Variants in RNF144A observed in about 807,000 individuals in gnomAD.
RNF144A encodes ring finger protein 144A, also known as E3 ubiquitin-protein ligase RNF144A.
RNF144A carries 11 observed loss-of-function variants against 38.7 expected under a neutral mutation model. The ratio of observed to expected loss-of-function variants is 0.28; its 90% CI spans 0.18 to 0.47. RNF144A has a LOEUF of 0.47. Among genes scored for constraint, RNF144A ranks in the 20% least tolerant of loss-of-function variants. The pLI is 0.99. For synonymous variants in RNF144A, 149 were observed against 143.9 expected (o/e 1.04, Z -0.25); for missense variants, 316 against 377.2 (o/e 0.84, Z 1.34).
chr2:7,065,885 G>A (rs1422370340), intron 6 of RNF144A, among the ~76,000 whole-genome samples: 2 of 152,162 alleles, frequency 1.3e-5, no homozygotes, highest in African/African-American at 2.4e-5. Context: ...TCACACCAGC[G>A]GACTGGGTAA....
Position 6,970,384 on chromosome 2 carries a change from C to G in RNF144A, c.-11-26532C>G, listed in dbSNP as rs144175999. Among the ~76,000 whole-genome samples, 1,233 of 152,290 alleles carry G rather than the reference C, an allele frequency of 8.1e-3. 28 individuals carry two copies. The highest frequency in any genetic ancestry group is 0.028 in the African/African-American group (1,172 of 41,552). On this transcript the variant is annotated intron_variant, in intron 2 of 8. Transcript: ENST00000320892. ...CCATCCACGTACAATGTGAGTTGGT[C>G]CTCCTTGCCTTTCACCATGATTGCG... is the stretch of plus-strand genomic sequence containing the variant.
intron 1 of RNF144A, among the ~76,000 whole-genome samples, chr2:6,934,867 T>G (rs1387210657): frequency 1.3e-5 from 2 of 152,222 alleles, no homozygotes; most frequent in Non-Finnish European, 2.9e-5. Context: ...TCTTCTTCTG[T>G]AAGACGCAGC....
At chr2:7,019,464 G>T (rs555272792) in intron 5 of RNF144A, among the ~76,000 whole-genome samples, 2 of 152,330 alleles carry the variant, frequency 1.3e-5, no homozygotes, top group South Asian at 4.1e-4. Flanking sequence ...GCAAGGACTT[G>T]TCATCGCCTT....
rs2103467272 is a variant in RNF144A at position 7,043,486 on chromosome 2, G to A, written c.*3726G>A. 3 of 985,706 alleles carry A rather than the reference G, an allele frequency of 3.0e-6. No homozygotes were observed. The South Asian group carries it at 1.4e-4, about 46-fold the overall frequency. The allele number at this position is 985,706 out of a possible 1,614,324, so 61.1% of individuals were successfully genotyped here. A position where few individuals can be genotyped will look rare whatever the true frequency, so the allele number is the denominator to read the frequency against. Reference sequence around the variant, plus strand: ...TGTGTATATATATAAATCACAAGGAGATCATCAAGGGAAAACATTTTGCAT... The same window carrying A: ...TGTGTATATATATAAATCACAAGGAAATCATCAAGGGAAAACATTTTGCAT... On this transcript the variant is annotated 3_prime_UTR_variant, in exon 9 of 9. Coordinates refer to ENST00000320892, the MANE Select transcript of RNF144A (RefSeq NM_014746.6).
At chr2:7,045,777 G>A (rs1034223052), downstream of RNF144A, among the ~76,000 whole-genome samples, 3 of 152,164 alleles carry the variant, frequency 2.0e-5, no homozygotes, top group Non-Finnish European at 2.9e-5. Flanking sequence ...CAGAGAAGGT[G>A]GACGGGTACA....
In RNF144A at chr2:6,931,968, T is replaced by C. The variant is rs940754119; in HGVS notation, c.-211-8980T>C. ...GCTATTCAGTTCAACTATGTTCTTA[T>C]TGATTTTCTGCCTGCTGAATTTTTC... On this transcript the variant is annotated intron_variant, in intron 1 of 8. Coordinates refer to ENST00000320892, the MANE Select transcript of RNF144A (RefSeq NM_014746.6). Among the ~76,000 whole-genome samples the C allele has an allele frequency of 3.9e-5, 6 of 152,360 alleles. No homozygotes were observed. The South Asian group carries it at 8.3e-4, about 21-fold the overall frequency.
chr2:6,933,949 T>C (rs866683804), intron 1 of RNF144A, among the ~76,000 whole-genome samples: 3 of 152,302 alleles, frequency 2.0e-5, no homozygotes, highest in Middle Eastern at 3.4e-3. Context: ...TTCCAGGGTT[T>C]TTTGTTTTTG....
At chr2:7,021,100 G>T (rs1199044560) in intron 6 of RNF144A, among the ~76,000 whole-genome samples, 1 of 152,164 alleles carries the variant, frequency 6.6e-6, no homozygotes, top group East Asian at 1.9e-4. Context: ...ACTGTCTGGA[G>T]GGGGATGGGG....
downstream of RNF144A, among the ~76,000 whole-genome samples, chr2:7,045,072 A>G (rs1673251767): frequency 6.6e-6 from 1 of 152,262 alleles, no homozygotes; most frequent in African/African-American, 2.4e-5. Flanking sequence ...GACGCCATGT[A>G]TGAGCTCGCT....
At chr2:6,977,032 C>T (rs1354960789) in intron 2 of RNF144A, among the ~76,000 whole-genome samples, 1 of 152,220 alleles carries the variant, frequency 6.6e-6, no homozygotes, top group Non-Finnish European at 1.5e-5. Flanking sequence ...AATTGGGCTT[C>T]TTGATCAAAG....
intron 3 of RNF144A, among the ~76,000 whole-genome samples, chr2:7,003,483 T>C (rs1359773999): frequency 2.0e-5 from 3 of 152,236 alleles, no homozygotes; most frequent in Non-Finnish European, 4.4e-5. Context: ...GTCGTTAATA[T>C]GCGAAAATAC....
At chr2:7,033,875 C>T (rs1288871919) in intron 8 of RNF144A, among the ~76,000 whole-genome samples, 7 of 152,214 alleles carry the variant, frequency 4.6e-5, no homozygotes, top group Non-Finnish European at 7.3e-5. Context: ...CGGGCAAAAT[C>T]GCGAATGACC....
At position 7,014,671 on chromosome 2, in the gene RNF144A, C is replaced by T. The variant is rs1226024448; in HGVS notation, c.241-41C>T. 3 of 1,569,820 alleles carry T rather than the reference C, an allele frequency of 1.9e-6. No homozygotes were observed. In the Admixed American group the frequency reaches 5.0e-5, roughly 26 times the overall value. On this transcript the variant is annotated intron_variant, in intron 4 of 8. Transcript: ENST00000320892. ...GTGCGTTGCATTATATTCTAGCCCT[C>T]AGCTTGTTATCATTCCTGTTTGCAT...
chr2:7,040,139 G>C lies in RNF144A; in HGVS notation c.*379G>C. ...CCATGTTGTCAGAGAAGTCTTTTAA[G>C]GACTGCCACTCTCTTCAGACAGAAT... On this transcript the variant is annotated 3_prime_UTR_variant, in exon 9 of 9. Transcript: ENST00000320892. 1.0e-6 allele frequency: 1 copy of C among 1,005,020 alleles called. No homozygotes were observed. Among genetic ancestry groups the C allele is most frequent in the Non-Finnish European group, 1.2e-6 (1 of 843,084 alleles). The allele number at this position is 1,005,020 out of a possible 1,614,324, so 62.3% of individuals were successfully genotyped here.
rs770322252 is a variant in RNF144A, at chr2:7,020,723, G to A, written c.509+43G>A. On this transcript the variant is annotated intron_variant, in intron 6 of 8. Transcript: ENST00000320892. ...GCTGCCACCAAAGGCATGGCTGTGG[G>A]CCAGGAGAAGCAGGCATGCTTTCTT... The A allele has an allele frequency of 4.2e-5, 65 of 1,559,354 alleles. 1 individual carries two copies. In the South Asian group the frequency reaches 6.7e-4, roughly 16 times the overall value.
intron 3 of RNF144A, among the ~76,000 whole-genome samples, chr2:7,012,509 C>T (rs1249392464): frequency 6.6e-6 from 1 of 152,212 alleles, no homozygotes; most frequent in African/African-American, 2.4e-5. Flanking sequence ...CTGAAGCCTA[C>T]AATCTTTCTC....
intron 2 of RNF144A, among the ~76,000 whole-genome samples, chr2:6,975,941 T>A (rs1199550846): frequency 6.6e-6 from 1 of 152,250 alleles, no homozygotes; most frequent in Non-Finnish European, 1.5e-5. Flanking sequence ...CTTAACACAT[T>A]TTGCAGATCT....
intron 1 of RNF144A, chr2:6,933,355 C>T (rs958081200): frequency 6.6e-6 from 1 of 152,180 alleles, no homozygotes; most frequent in East Asian, 1.9e-4. Context: ...CCTCTACTAA[C>T]TTGGATTTCT....
chr2:6,945,286 G>A (rs1028241420), intron 2 of RNF144A, among the ~76,000 whole-genome samples: 2 of 152,232 alleles, frequency 1.3e-5, no homozygotes, highest in African/African-American at 4.8e-5. Context: ...AGTATTTTTA[G>A]AAATGGAAAC....
Sources: allele counts gnomAD v4.1 joint callset (sites outside exome capture counted in the v4.1 genomes callset), GRCh38; gene constraint gnomAD v4.1.1; transcripts MANE v1.5; gene names NCBI Gene and HGNC (gene_info 2026-07-23, HGNC 2026-07-21).